Variants in DTD1 observed in about 807,000 individuals in gnomAD.
The protein encoded by DTD1 is D-tyrosyl-tRNA deacylase 1 homolog.
In DTD1, 13 loss-of-function variants were observed where a neutral mutation model predicts 25.6. The observed-to-expected ratio is 0.51, with a 90% CI of 0.33 to 0.81. The LOEUF is 0.81. DTD1 is among the 30% of genes least tolerant of loss of function. The pLI is 0.02. For missense variants in DTD1, 193 were observed against 266.4 expected (o/e 0.72, Z 1.92); for synonymous variants, 110 against 103.6 (o/e 1.06, Z -0.37).
At chr20:18,633,259 A>T (rs1387702152) in intron 4 of DTD1, among the ~76,000 whole-genome samples, 3 of 152,008 alleles carry the variant, frequency 2.0e-5, no homozygotes, top group Admixed American at 2.0e-4. Context: ...CACCTACTGC[A>T]TCTGCTGTTG....
At chr20:18,690,919 T>G (rs1173600707) in intron 4 of DTD1, among the ~76,000 whole-genome samples, 3 of 152,208 alleles carry the variant, frequency 2.0e-5, no homozygotes, top group Non-Finnish European at 2.9e-5. Context: ...ATTGAATCTA[T>G]AAATTGCTTT....
chr20:18,764,611 AC>A lies in DTD1; in HGVS notation c.*1272del. On this transcript the variant is annotated 3_prime_UTR_variant, in exon 6 of 6. Coordinates refer to ENST00000377452, the MANE Select transcript of DTD1 (RefSeq NM_080820.6). ...GATAATAAATCAGAAAATGTGGAAA[AC>A]AAAAAAGCTCAAAACACATCTCTTG... 6.6e-6 allele frequency: 1 copy of A among 152,360 alleles called. No individual in the cohort carries two copies. Among genetic ancestry groups the A allele is most frequent in the Non-Finnish European group, 1.5e-5 (1 of 68,032 alleles). The allele number at this position is 152,360 out of a possible 1,614,324, so 9.4% of individuals were successfully genotyped here. A position where few individuals can be genotyped will look rare whatever the true frequency, so the allele number is the denominator to read the frequency against.
rs1027810792 is a variant in DTD1, at chr20:18,765,217, A to T, written c.*1877A>T. ...TGGGGCTGTTTCATCTGGGAGGGGA[A>T]CTCTAAATGTTTGAAAGATGTGGAA... On this transcript the variant is annotated 3_prime_UTR_variant, in exon 6 of 6. Coordinates refer to ENST00000377452, the MANE Select transcript of DTD1 (RefSeq NM_080820.6). The T allele has an allele frequency of 6.6e-6, 1 of 152,264 alleles. No individual in the cohort carries two copies. The highest frequency in any genetic ancestry group is 1.5e-5 in the Non-Finnish European group (1 of 68,080). 9.4% of individuals were successfully genotyped at this position (152,264 alleles called of 1,614,324 possible). A position where few individuals can be genotyped will look rare whatever the true frequency, so the allele number is the denominator to read the frequency against.
chr20:18,656,828 A>G (rs1041030686), intron 4 of DTD1, among the ~76,000 whole-genome samples: 3 of 152,246 alleles, frequency 2.0e-5, no homozygotes, highest in African/African-American at 7.2e-5. Context: ...GAAAACCGGC[A>G]TCAGAGCCTT....
chr20:18,636,021 T>A (rs1419947684), intron 4 of DTD1, among the ~76,000 whole-genome samples: 4 of 152,228 alleles, frequency 2.6e-5, no homozygotes, highest in Non-Finnish European at 5.9e-5. Flanking sequence ...CTGTTTTGCT[T>A]TAAACCAGTC....
chr20:18,730,581 TA>T (rs1444877949), intron 4 of DTD1, among the ~76,000 whole-genome samples: 2 of 152,220 alleles, frequency 1.3e-5, no homozygotes, highest in African/African-American at 4.8e-5. Flanking sequence ...ACAAGCTCAT[TA>T]GGCATTTGCA....
chr20:18,669,598 C>T (rs543682365), intron 4 of DTD1, among the ~76,000 whole-genome samples: 3 of 152,240 alleles, frequency 2.0e-5, no homozygotes, highest in East Asian at 1.9e-4. Flanking sequence ...TGACCACTGT[C>T]GACTGAGCGC....
chr20:18,689,023 G>A (rs1024595024), intron 4 of DTD1, among the ~76,000 whole-genome samples: 2 of 152,186 alleles, frequency 1.3e-5, no homozygotes, highest in African/African-American at 2.4e-5. Context: ...AACATTGTGT[G>A]CATTTCTAAT....
intron 4 of DTD1, among the ~76,000 whole-genome samples, chr20:18,651,883 A>T (rs115511827): frequency 0.012 from 1,837 of 152,292 alleles, 33 homozygotes; most frequent in African/African-American, 0.041. Context: ...CTGGGCAGGG[A>T]TGGAGGTAGA....
chr20:18,722,055 G>A (rs16979510), intron 4 of DTD1, among the ~76,000 whole-genome samples: 1,898 of 152,306 alleles, frequency 0.012, 40 homozygotes, highest in African/African-American at 0.042. Context: ...GATGCCATTC[G>A]GTCTGTGCTA....
chr20:18,710,736 G>A (rs2061155256), intron 4 of DTD1, among the ~76,000 whole-genome samples: 1 of 152,292 alleles, frequency 6.6e-6, no homozygotes, highest in Admixed American at 6.5e-5. Context: ...AATGCAGGTG[G>A]CTGACAGTGG....
chr20:18,737,757 TC>T (rs2061261915), intron 4 of DTD1, among the ~76,000 whole-genome samples: 1 of 152,224 alleles, frequency 6.6e-6, no homozygotes, highest in African/African-American at 2.4e-5. Context: ...TTGTATTTGA[TC>T]CTCTGGCTTC....
chr20:18,688,948 A>G lies in DTD1; in HGVS notation c.478-55152A>G, dbSNP rs529720347. ...GCAGTGGCCAGGAAGGCATGACCCA[A>G]TGAGAAATAAAAAATTCAGAACCCT... On this transcript the variant is annotated intron_variant, in intron 4 of 5. Transcript: ENST00000377452. 4.6e-5 allele frequency among the ~76,000 whole-genome samples: 7 copies of G among 152,264 alleles called. No homozygotes were observed. In the South Asian group the frequency reaches 6.2e-4, roughly 14 times the overall value.
chr20:18,729,884 C>T (rs73601843), intron 4 of DTD1, among the ~76,000 whole-genome samples: 14,319 of 152,086 alleles, frequency 0.094, 839 homozygotes, highest in East Asian at 0.26. Context: ...TTCCTTCTCT[C>T]TCTGAGTGGC....
At chr20:18,656,082 CT>C (rs1217880138) in intron 4 of DTD1, among the ~76,000 whole-genome samples, 1 of 151,908 alleles carries the variant, frequency 6.6e-6, no homozygotes, top group Non-Finnish European at 1.5e-5. Context: ...CATTTGTTTT[CT>C]TTTTTTTCCC....
intron 1 of DTD1, among the ~76,000 whole-genome samples, chr20:18,591,109 C>T (rs1400245588): frequency 6.6e-6 from 1 of 152,082 alleles, no homozygotes; most frequent in Non-Finnish European, 1.5e-5. Context: ...CAGATTTTTT[C>T]CCTTGGTGAT....
At chr20:18,712,327 AATTC>A (rs1349206119) in intron 4 of DTD1, among the ~76,000 whole-genome samples, 1 of 136,930 alleles carries the variant, frequency 7.3e-6, no homozygotes, top group East Asian at 2.2e-4. Flanking sequence ...TGTGTTTTGA[AATTC>A]TTTCCTTTGT....
intron 4 of DTD1, among the ~76,000 whole-genome samples, chr20:18,677,025 T>C (rs893902579): frequency 7.9e-5 from 12 of 152,228 alleles, no homozygotes; most frequent in Admixed American, 7.2e-4. Flanking sequence ...AGGTATTTCC[T>C]ATACATTATT....
chr20:18,630,040 C>G (rs1288318293), intron 4 of DTD1, among the ~76,000 whole-genome samples: 2 of 151,908 alleles, frequency 1.3e-5, no homozygotes, highest in Non-Finnish European at 2.9e-5. Context: ...GTTTCTGACT[C>G]TTTTTGTATT....
Sources: gnomAD v4.1 joint callset for allele counts (sites outside exome capture counted in the v4.1 genomes callset) on GRCh38, gnomAD v4.1.1 for gene constraint, MANE v1.5 for transcripts, NCBI Gene and HGNC (gene_info 2026-07-23, HGNC 2026-07-21) for gene names.